GRIK4: variants seen among roughly 807,000 people sequenced by gnomAD.
GRIK4 encodes glutamate receptor ionotropic, kainate 4.
In GRIK4, 40 loss-of-function variants were observed where a neutral mutation model predicts 104.9. The observed-to-expected ratio is 0.38, with a 90% CI of 0.30 to 0.50. The LOEUF (loss-of-function observed/expected upper bound fraction) is 0.50. Among genes scored for constraint, GRIK4 ranks in the 20% least tolerant of loss-of-function variants. GRIK4 has a pLI of 0.93. For synonymous variants in GRIK4, 485 were observed against 524.9 expected (o/e 0.92, Z 1.04); for missense variants, 1,047 against 1,308.1 (o/e 0.80, Z 3.08).
At chr11:120,816,432 A>G (rs917403657) in intron 5 of GRIK4, among the ~76,000 whole-genome samples, 1 of 152,118 alleles carries the variant, frequency 6.6e-6, no homozygotes, top group Non-Finnish European at 1.5e-5. Flanking sequence ...ACATGGGAGG[A>G]AGGCTCAGTC....
Position 120,819,838 on chromosome 11 carries a change from C to T in GRIK4, c.429C>T (p.Asn143=). ...CAACCCTGAACCTCCACCCCAGCAACACTGACATCAGCGTGGCTGTAGCTG... is the reference window on the plus strand; with the variant it reads ...CAACCCTGAACCTCCACCCCAGCAATACTGACATCAGCGTGGCTGTAGCTG... ...RFTTLNLHPS[N]TDISVAVAGI... The change falls in exon 6 of 21, where the codon AAC becomes AAT. Residue 143 remains asparagine (N), a synonymous_variant. Coordinates refer to ENST00000527524, the MANE Select transcript of GRIK4 (RefSeq NM_014619.5). The surrounding 1 kb of genome is among the most constrained non-coding windows in gnomAD (Gnocchi z 4.3). 3 of 1,614,146 alleles carry T rather than the reference C, an allele frequency of 1.9e-6. No individual in the cohort carries two copies. Among genetic ancestry groups the T allele is most frequent in the Non-Finnish European group, 2.5e-6 (3 of 1,179,950 alleles).
intron 12 of GRIK4, among the ~76,000 whole-genome samples, chr11:120,901,004 C>G (rs188453968): frequency 2.6e-5 from 4 of 152,266 alleles, no homozygotes; most frequent in Admixed American, 2.6e-4. Flanking sequence ...TGGATCTGTC[C>G]TCTTCTATCC....
intron 4 of GRIK4, among the ~76,000 whole-genome samples, chr11:120,811,501 A>T (rs1004095335): frequency 2.6e-5 from 4 of 152,150 alleles, no homozygotes; most frequent in Admixed American, 6.5e-5. Flanking sequence ...AATGACAGTA[A>T]TAGTACCTAT....
At chr11:120,883,233 A>C (rs1955017566) in intron 11 of GRIK4, among the ~76,000 whole-genome samples, 1 of 152,136 alleles carries the variant, frequency 6.6e-6, no homozygotes, top group Non-Finnish European at 1.5e-5. Flanking sequence ...GGGCCTAAGG[A>C]GCTCATAGCC....
chr11:120,884,726 G>A (rs975297148), intron 11 of GRIK4, among the ~76,000 whole-genome samples: 3 of 152,220 alleles, frequency 2.0e-5, no homozygotes, highest in East Asian at 1.9e-4. Context: ...CCGACAGAGC[G>A]CTGCTCAGAC....
At chr11:120,518,992 A>G (rs866419629) in intron 1 of GRIK4, among the ~76,000 whole-genome samples, 3 of 152,170 alleles carry the variant, frequency 2.0e-5, no homozygotes, top group African/African-American at 7.2e-5. Context: ...TGCTTCAACA[A>G]ATTGTTTGGT....
chr11:120,985,217 C>T (rs568841841), intron 20 of GRIK4, among the ~76,000 whole-genome samples: 2 of 152,238 alleles, frequency 1.3e-5, no homozygotes, highest in South Asian at 2.1e-4. Flanking sequence ...ATGCACTCAG[C>T]GGCGGCGTGG....
intron 1 of GRIK4, among the ~76,000 whole-genome samples, chr11:120,569,536 C>A (rs531496572): frequency 6.2e-4 from 94 of 152,118 alleles, no homozygotes; most frequent in Admixed American, 1.8e-3. Context: ...CTCTCATGCC[C>A]CCATTTCTAT....
At chr11:120,867,714 A>G (rs1484850700) in intron 9 of GRIK4, among the ~76,000 whole-genome samples, 2 of 151,938 alleles carry the variant, frequency 1.3e-5, no homozygotes, top group African/African-American at 2.4e-5. Flanking sequence ...AGATCAGTCC[A>G]TGCCCCCAGG....
intron 8 of GRIK4, among the ~76,000 whole-genome samples, chr11:120,841,225 C>A (rs1953706771): frequency 6.6e-6 from 1 of 152,048 alleles, no homozygotes; most frequent in Non-Finnish European, 1.5e-5. Context: ...ACATTTTTCA[C>A]CTTTTCAGAA....
At chr11:120,706,857 CTGT>C in intron 3 of GRIK4, among the ~76,000 whole-genome samples, 1 of 152,234 alleles carries the variant, frequency 6.6e-6, no homozygotes, top group African/African-American at 2.4e-5. Context: ...TGCTTGGTGG[CTGT>C]GTCTCCTGCA....
chr11:120,551,789 A>G (rs1452383739), intron 1 of GRIK4, among the ~76,000 whole-genome samples: 1 of 151,618 alleles, frequency 6.6e-6, no homozygotes, highest in Non-Finnish European at 1.5e-5. Flanking sequence ...AAATAAATAA[A>G]TAAATAAATA....
chr11:120,863,964 G>A (rs540553853), intron 9 of GRIK4, among the ~76,000 whole-genome samples: 173 of 152,252 alleles, frequency 1.1e-3, no homozygotes, highest in African/African-American at 4.1e-3. Context: ...GTTTCATGCA[G>A]GTTTATGGAA....
chr11:120,563,953 C>T (rs1948274064), intron 1 of GRIK4, among the ~76,000 whole-genome samples: 1 of 152,188 alleles, frequency 6.6e-6, no homozygotes, highest in Admixed American at 6.5e-5. Context: ...ATTTTCCCAT[C>T]GCGGAGGAGG....
rs773850072 is a variant in GRIK4 at position 120,961,048 on chromosome 11, G to A, written c.2014G>A (p.Gly672Arg). 5.0e-6 allele frequency: 8 copies of A among 1,614,082 alleles called. No homozygotes were observed. The East Asian group carries it at 6.7e-5, about 13-fold the overall frequency. Reference sequence around the variant, plus strand: ...CGCCATTGAATATGGCACAATTCACGGAGGCTCCAGCATGACCTTCTTCCA... The same window carrying A: ...CGCCATTGAATATGGCACAATTCACAGAGGCTCCAGCATGACCTTCTTCCA... ...QTAIEYGTIHGGSSMTFFQNS... is the reference protein window; with the variant it reads ...QTAIEYGTIHRGSSMTFFQNS... Residue 672 changes from glycine to arginine, a missense_variant, in exon 17 of 21, where the codon GGA becomes AGA. This residue lies in a region of GRIK4 where 440 missense variants were observed against 652.3 expected (regional missense o/e 0.67). Transcript: ENST00000527524.
At chr11:120,970,562 C>A (rs1944458188) in intron 19 of GRIK4, among the ~76,000 whole-genome samples, 2 of 152,156 alleles carry the variant, frequency 1.3e-5, no homozygotes, top group South Asian at 2.1e-4. Context: ...GGACCTCTTG[C>A]TTTGTGTACT....
intron 3 of GRIK4, among the ~76,000 whole-genome samples, chr11:120,675,093 A>G (rs574532121): frequency 6.6e-6 from 1 of 152,396 alleles, no homozygotes; most frequent in African/African-American, 2.4e-5. Flanking sequence ...TGCTAAATGG[A>G]AATAAGTGGA....
intron 7 of GRIK4, among the ~76,000 whole-genome samples, chr11:120,833,386 G>A (rs1953489917): frequency 6.6e-6 from 1 of 152,036 alleles, no homozygotes; most frequent in African/African-American, 2.4e-5. Context: ...GATCAATGAA[G>A]TCATTAAGGG....
intron 11 of GRIK4, among the ~76,000 whole-genome samples, chr11:120,888,861 A>G (rs1044484926): frequency 6.6e-6 from 1 of 152,214 alleles, no homozygotes; most frequent in African/African-American, 2.4e-5. Context: ...TTCATAACCC[A>G]CTAATGGGTT....
Sources: gnomAD v4.1 joint callset for allele counts (sites outside exome capture counted in the v4.1 genomes callset) on GRCh38, gnomAD v4.1.1 for gene constraint, gnomAD v4.1.1 regional missense constraint, Gnocchi (gnomAD v3.1) non-coding constraint, MANE v1.5 for transcripts, NCBI Gene and HGNC (gene_info 2026-07-23, HGNC 2026-07-21) for gene names.